The following GRAMD4 variants were observed in gnomAD, a reference collection of about 807,000 sequenced individuals.
GRAMD4 encodes GRAM domain-containing protein 4.
Under a neutral mutation model 83.9 loss-of-function variants are expected in GRAMD4, and 25 were observed. The observed-to-expected ratio is 0.30, with a 90% CI of 0.22 to 0.42. The LOEUF (loss-of-function observed/expected upper bound fraction) is 0.42, where lower values mean the gene tolerates loss of function less well. Among genes scored for constraint, GRAMD4 ranks in the 10% least tolerant of loss-of-function variants. The probability of loss-of-function intolerance (pLI) is 1.00; values close to 1 mark genes in which losing one functional copy is unlikely to be tolerated. For missense variants in GRAMD4, 593 were observed against 788.7 expected (o/e 0.75, Z 2.97); for synonymous variants, 336 against 320.9 (o/e 1.05, Z -0.50).
At chr22:46,647,247 G>T (rs1336012067) in intron 3 of GRAMD4, among the ~76,000 whole-genome samples, 1 of 152,224 alleles carries the variant, frequency 6.6e-6, no homozygotes, top group African/African-American at 2.4e-5. Flanking sequence ...TGATACAGCA[G>T]CGTGTCTATA....
chr22:46,653,143 G>C (rs2082191846), intron 3 of GRAMD4, among the ~76,000 whole-genome samples: 2 of 152,238 alleles, frequency 1.3e-5, no homozygotes, highest in Non-Finnish European at 2.9e-5. Context: ...GGCAAAGGTG[G>C]GAAGCCTCAT....
intron 13 of GRAMD4, among the ~76,000 whole-genome samples, chr22:46,669,866 A>G (rs2082475282): frequency 6.6e-6 from 1 of 152,198 alleles, no homozygotes. Context: ...GGCGGGAGCC[A>G]CTGCGACTGG....
intron 1 of GRAMD4, among the ~76,000 whole-genome samples, chr22:46,577,865 A>C (rs544147707): frequency 6.6e-6 from 1 of 152,314 alleles, no homozygotes; most frequent in Non-Finnish European, 1.5e-5. Flanking sequence ...CCTTGGCTGT[A>C]GCCCAGGCCC....
chr22:46,625,401 C>T (rs78785452), intron 1 of GRAMD4, among the ~76,000 whole-genome samples: 5,928 of 152,328 alleles, frequency 0.039, 147 homozygotes, highest in Middle Eastern at 0.11. Flanking sequence ...GCTGACCTTG[C>T]TCTCAGTGCT....
rs1352033171 is a variant in GRAMD4 at position 46,672,776 on chromosome 22, A to G, written c.1085-67A>G. 2 of 1,328,290 alleles carry G rather than the reference A, an allele frequency of 1.5e-6. No individual in the cohort carries two copies. Among genetic ancestry groups the G allele is most frequent in the East Asian group, 4.6e-5 (2 of 43,110 alleles). 82.3% of individuals were successfully genotyped at this position (1,328,290 alleles called of 1,614,324 possible). ...CTGGGAGGTGGGAGGTGCCGGAACC[A>G]TCACCCTGAGTAGACTGGCATAGCT... is the stretch of plus-strand genomic sequence containing the variant. On this transcript the variant is annotated intron_variant, in intron 13 of 18. Coordinates refer to ENST00000406902, the MANE Select transcript of GRAMD4 (RefSeq NM_015124.5). This position sits in a 1 kb window ranked among gnomAD's most constrained non-coding sequence, Gnocchi z 4.7.
intron 1 of GRAMD4, among the ~76,000 whole-genome samples, chr22:46,588,327 T>C (rs530787253): frequency 6.6e-6 from 1 of 152,178 alleles, no homozygotes; most frequent in Non-Finnish European, 1.5e-5. Flanking sequence ...CCTCCGTCCC[T>C]GTCTGGCTGT....
chr22:46,664,782 T>C (rs889979197), intron 8 of GRAMD4, among the ~76,000 whole-genome samples: 3 of 152,176 alleles, frequency 2.0e-5, no homozygotes, highest in Non-Finnish European at 4.4e-5. Context: ...AGAGGAGGCG[T>C]CCACAGCCTG....
At chr22:46,642,706 G>A (rs970214841) in intron 3 of GRAMD4, among the ~76,000 whole-genome samples, 1 of 151,974 alleles carries the variant, frequency 6.6e-6, no homozygotes, top group Non-Finnish European at 1.5e-5. Flanking sequence ...TACAGAGTTG[G>A]GTGCATTTGT....
chr22:46,664,249 C>T (rs2082374890), intron 8 of GRAMD4, 132 bp downstream of exon 8: 1 of 700,266 alleles, frequency 1.4e-6, no homozygotes, highest in Non-Finnish European at 2.6e-6. Flanking sequence ...GGGACATGCT[C>T]ATTTCTCCTT....
intron 6 of GRAMD4, 23 bp from the exon 7 acceptor site, chr22:46,663,815 C>G (rs752657356): frequency 6.2e-6 from 10 of 1,612,748 alleles, no homozygotes; most frequent in Non-Finnish European, 7.6e-6. Context: ...CCCTGGGCTC[C>G]CATCTCTCCC....
chr22:46,677,625 G>T lies in GRAMD4; in HGVS notation c.*374G>T. ...CACCCCAAGAGGTTCTCGCAACCTTGTGTCCCGCTCTCCAGAGGCCAGAAG... is the reference window on the plus strand; with the variant it reads ...CACCCCAAGAGGTTCTCGCAACCTTTTGTCCCGCTCTCCAGAGGCCAGAAG... On this transcript the variant is annotated 3_prime_UTR_variant, in exon 19 of 19. Coordinates refer to ENST00000406902, the MANE Select transcript of GRAMD4 (RefSeq NM_015124.5). 9.9e-7 allele frequency: 1 copy of T among 1,012,860 alleles called. No homozygotes were observed. Among genetic ancestry groups the T allele is most frequent in the Non-Finnish European group, 1.2e-6 (1 of 846,720 alleles). 62.7% of individuals were successfully genotyped at this position (1,012,860 alleles called of 1,614,324 possible).
intron 1 of GRAMD4, among the ~76,000 whole-genome samples, chr22:46,590,403 G>C (rs13057444): frequency 0.49 from 74,569 of 151,974 alleles, 20,363 homozygotes; most frequent in African/African-American, 0.75. Flanking sequence ...GAGCTGAGAA[G>C]GTGCCGGGGA....
chr22:46,585,602 G>C (rs1387014945), intron 1 of GRAMD4, among the ~76,000 whole-genome samples: 1 of 152,210 alleles, frequency 6.6e-6, no homozygotes, highest in Non-Finnish European at 1.5e-5. Context: ...CCTTGTGTTC[G>C]CGGTCCCATG....
intron 1 of GRAMD4, among the ~76,000 whole-genome samples, chr22:46,589,655 C>T (rs1441958270): frequency 1.3e-5 from 2 of 152,120 alleles, no homozygotes; most frequent in Non-Finnish European, 2.9e-5. Flanking sequence ...GGGCCCATGC[C>T]CTGTGGCTAC....
At chr22:46,680,560 G>A (rs150853694), downstream of GRAMD4, among the ~76,000 whole-genome samples, 93 of 42,292 alleles carry the variant, frequency 2.2e-3, 1 homozygote, top group Middle Eastern at 9.6e-3. Context: ...CCGTCCGTCC[G>A]TCCGTCCATC....
chr22:46,635,734 G>A (rs1201487685), intron 2 of GRAMD4, among the ~76,000 whole-genome samples: 85 of 77,566 alleles, frequency 1.1e-3, no homozygotes, highest in Middle Eastern at 0.015. Flanking sequence ...CTGGGGGCCC[G>A]TGTCCTCCCT....
intron 13 of GRAMD4, among the ~76,000 whole-genome samples, chr22:46,670,071 A>T (rs1351234203): frequency 6.6e-6 from 1 of 152,222 alleles, no homozygotes; most frequent in Non-Finnish European, 1.5e-5. Context: ...GGAGCCACAA[A>T]GCCAGGGGTG....
rs555846497 is a variant in GRAMD4, at chr22:46,625,005, C to T, written c.-49-1746C>T. 4.1e-3 allele frequency among the ~76,000 whole-genome samples: 627 copies of T among 152,118 alleles called. 3 individuals are homozygous for T. The highest frequency in any genetic ancestry group is 5.8e-3 in the Non-Finnish European group (395 of 67,976). On this transcript the variant is annotated intron_variant, in intron 1 of 18. Coordinates refer to ENST00000406902, the MANE Select transcript of GRAMD4 (RefSeq NM_015124.5). ...CCTCCTGAGTAGCTGGGACTACAGG[C>T]GCCCACCACCACGCCCGGCTAATTT...
chr22:46,630,001 A>G (rs2081742353), intron 2 of GRAMD4, among the ~76,000 whole-genome samples: 1 of 150,896 alleles, frequency 6.6e-6, no homozygotes, highest in Non-Finnish European at 1.5e-5. Context: ...GTTTCATCAT[A>G]TGGCCAGGCC....
Sources: allele counts gnomAD v4.1 joint callset (sites outside exome capture counted in the v4.1 genomes callset), GRCh38; gene constraint gnomAD v4.1.1; non-coding constraint Gnocchi (gnomAD v3.1); transcripts MANE v1.5; gene names NCBI Gene and HGNC (gene_info 2026-07-23, HGNC 2026-07-21).